Variants in GALNT13 observed in about 807,000 individuals in gnomAD.
GALNT13 encodes UDP-GalNAc:polypeptide N-acetylgalactosaminyltransferase 13.
GALNT13 carries 28 observed loss-of-function variants against 64.2 expected under a neutral mutation model. The observed-to-expected ratio is 0.44, with a 90% CI of 0.32 to 0.60. The LOEUF is 0.60. GALNT13 is among the 20% of genes least tolerant of loss of function. The pLI is 0.05. For synonymous variants in GALNT13, 214 were observed against 224.6 expected (o/e 0.95, Z 0.42); for missense variants, 577 against 669.8 (o/e 0.86, Z 1.53).
intron 3 of GALNT13, among the ~76,000 whole-genome samples, chr2:154,096,397 C>G (rs1237252590): frequency 6.6e-6 from 1 of 151,996 alleles, no homozygotes. Context: ...CCTTTCCAAC[C>G]ACTGTGACAT....
At chr2:153,673,445 C>T in the GALNT13 span, among the ~76,000 whole-genome samples, 1 of 152,136 alleles carries the variant, frequency 6.6e-6, no homozygotes, top group African/African-American at 2.4e-5. Flanking sequence ...TAAACAGAAC[C>T]AACAACAAAA....
the GALNT13 span, among the ~76,000 whole-genome samples, chr2:153,799,560 T>C: frequency 6.6e-6 from 1 of 152,138 alleles, no homozygotes; most frequent in African/African-American, 2.4e-5. Context: ...AATTATCAAG[T>C]AGGTGTCCAT....
the GALNT13 span, among the ~76,000 whole-genome samples, chr2:153,291,365 G>A: frequency 2.0e-5 from 3 of 152,020 alleles, no homozygotes; most frequent in African/African-American, 4.8e-5. Context: ...AGATATCAAC[G>A]TTTTTCACTA....
intron 1 of GALNT13, among the ~76,000 whole-genome samples, chr2:153,876,232 CACAT>C (rs1459625655): frequency 2.0e-5 from 3 of 151,624 alleles, no homozygotes; most frequent in East Asian, 1.9e-4. Flanking sequence ...CACACACACA[CACAT>C]ACACACACAG....
the GALNT13 span, among the ~76,000 whole-genome samples, chr2:153,539,906 C>G: frequency 6.6e-6 from 1 of 152,044 alleles, no homozygotes; most frequent in East Asian, 1.9e-4. Flanking sequence ...TAAGAGGTGA[C>G]CGAGCATAAA....
At chr2:154,266,543 C>A (rs189697372) in intron 8 of GALNT13, among the ~76,000 whole-genome samples, 1 of 151,986 alleles carries the variant, frequency 6.6e-6, no homozygotes, top group Non-Finnish European at 1.5e-5. Flanking sequence ...AGTGATAAAT[C>A]TGACAAAAGA....
intron 3 of GALNT13, among the ~76,000 whole-genome samples, chr2:154,086,211 G>A (rs1701516235): frequency 1.4e-5 from 2 of 147,380 alleles, no homozygotes; most frequent in Non-Finnish European, 3.0e-5. Flanking sequence ...TAATGAATAC[G>A]CCAGAGAACC....
the GALNT13 span, among the ~76,000 whole-genome samples, chr2:153,298,926 A>G: frequency 2.6e-5 from 4 of 152,194 alleles, no homozygotes; most frequent in East Asian, 5.8e-4. Flanking sequence ...TCACATTTTC[A>G]TAAAGGAATA....
the GALNT13 span, among the ~76,000 whole-genome samples, chr2:153,797,072 A>G: frequency 6.6e-6 from 1 of 152,244 alleles, no homozygotes; most frequent in Non-Finnish European, 1.5e-5. Context: ...GGAAGAGTTA[A>G]TAATGCATTT....
intron 3 of GALNT13, among the ~76,000 whole-genome samples, chr2:154,035,522 A>G (rs972735553): frequency 5.9e-5 from 9 of 152,080 alleles, no homozygotes; most frequent in Non-Finnish European, 1.0e-4. Context: ...TAAATAATGT[A>G]TGATTAATTA....
chr2:153,848,907 T>C, the GALNT13 span, among the ~76,000 whole-genome samples: 1 of 151,590 alleles, frequency 6.6e-6, no homozygotes, highest in Non-Finnish European at 1.5e-5. Flanking sequence ...TGCACTAACA[T>C]TTAAAACTCT....
intron 9 of GALNT13, among the ~76,000 whole-genome samples, chr2:154,359,442 G>A (rs1372645033): frequency 1.3e-5 from 2 of 152,120 alleles, no homozygotes; most frequent in African/African-American, 4.8e-5. Flanking sequence ...ATTGCTGCCT[G>A]TAGCGATGGT....
the GALNT13 span, among the ~76,000 whole-genome samples, chr2:153,589,667 G>A: frequency 3.3e-5 from 5 of 152,210 alleles, no homozygotes; most frequent in Admixed American, 3.3e-4. Context: ...GCAAGGAGGA[G>A]CAAGTCATAT....
chr2:153,507,115 C>A, the GALNT13 span, among the ~76,000 whole-genome samples: 1 of 151,964 alleles, frequency 6.6e-6, no homozygotes, highest in African/African-American at 2.4e-5. Context: ...CTCTAAAGTT[C>A]TTTCTTCTGC....
the GALNT13 span, among the ~76,000 whole-genome samples, chr2:153,672,720 G>A: frequency 1.3e-5 from 2 of 150,060 alleles, no homozygotes; most frequent in African/African-American, 2.4e-5. Flanking sequence ...AACTGAAGTG[G>A]TGGATAGAGA....
chr2:154,043,220 GT>G (rs1482929464), intron 3 of GALNT13, among the ~76,000 whole-genome samples: 1 of 151,874 alleles, frequency 6.6e-6, no homozygotes, highest in African/African-American at 2.4e-5. Context: ...CACAGAACTT[GT>G]AAGTCACTGT....
At chr2:153,845,725 CA>C in the GALNT13 span, among the ~76,000 whole-genome samples, 1 of 151,968 alleles carries the variant, frequency 6.6e-6, no homozygotes, top group Non-Finnish European at 1.5e-5. Context: ...AAATATTTTC[CA>C]AAACTGACAA....
chr2:153,179,027 G>A, the GALNT13 span, among the ~76,000 whole-genome samples: 1 of 152,006 alleles, frequency 6.6e-6, no homozygotes, highest in Non-Finnish European at 1.5e-5. Flanking sequence ...ACAGGCGTCA[G>A]CCACCGCACC....
chr2:153,884,766 AATATATAT>A (rs372541314), intron 1 of GALNT13, among the ~76,000 whole-genome samples: 5 of 116,354 alleles, frequency 4.3e-5, no homozygotes, highest in Non-Finnish European at 6.9e-5. Flanking sequence ...TAAAAATACG[AATATATAT>A]ATATATATAT....
Sources: gnomAD v4.1 joint callset for allele counts (sites outside exome capture counted in the v4.1 genomes callset) on GRCh38, gnomAD v4.1.1 for gene constraint, MANE v1.5 for transcripts, NCBI Gene and HGNC (gene_info 2026-07-23, HGNC 2026-07-21) for gene names.